The following ADGRV1 variants were observed in gnomAD, a reference collection of about 807,000 sequenced individuals.
ADGRV1 encodes the protein adhesion G protein-coupled receptor V1.
Under a neutral mutation model 596.2 loss-of-function variants are expected in ADGRV1, and 359 were observed. The ratio of observed to expected loss-of-function variants is 0.60; its 90% CI spans 0.55 to 0.66. The LOEUF is 0.66. Among genes scored for constraint, ADGRV1 ranks in the 30% least tolerant of loss-of-function variants. ADGRV1 has a pLI of 0.00. For synonymous variants in ADGRV1, 2,681 were observed against 2,679.2 expected, an observed-to-expected ratio of 1.00 and a Z score of -0.02; for missense variants, 7,274 against 7,575.6, an observed-to-expected ratio of 0.96 and a Z score of 1.48.
intron 85 of ADGRV1, among the ~76,000 whole-genome samples, chr5:90,988,691 G>A (rs1007191945): frequency 4.0e-5 from 6 of 151,822 alleles, no homozygotes; most frequent in African/African-American, 1.5e-4. Flanking sequence ...TGCACAACGT[G>A]CAGGTTAGTT....
intron 87 of ADGRV1, among the ~76,000 whole-genome samples, chr5:91,114,928 C>G (rs1179825400): frequency 6.6e-6 from 1 of 152,146 alleles, no homozygotes; most frequent in Non-Finnish European, 1.5e-5. Context: ...TTTGTCTCCC[C>G]AACCCTGTCA....
chr5:91,088,508 A>G (rs16869424), intron 86 of ADGRV1, among the ~76,000 whole-genome samples: 2,774 of 152,292 alleles, frequency 0.018, 75 homozygotes, highest in African/African-American at 0.061. Context: ...AATAGTGGAA[A>G]TAGCTCCATT....
At chr5:90,779,750 A>G (rs1184163635) in intron 64 of ADGRV1, 1 of 152,186 alleles carries the variant, frequency 6.6e-6, no homozygotes, top group African/African-American at 2.4e-5. Context: ...ACAGGTTGAG[A>G]GAGACCTACC....
intron 84 of ADGRV1, among the ~76,000 whole-genome samples, chr5:90,973,870 A>G (rs1224738001): frequency 2.0e-5 from 3 of 152,280 alleles, no homozygotes; most frequent in Admixed American, 1.3e-4. Context: ...GGCAGAAGAA[A>G]GAAAGAAAGG....
intron 18 of ADGRV1, 55 bp from the exon 19 acceptor site, chr5:90,652,291 G>A: frequency 2.5e-6 from 3 of 1,216,682 alleles, no homozygotes; most frequent in Admixed American, 2.4e-5. Context: ...AACACAGGAA[G>A]CTCTCATTAG....
chr5:90,624,524 G>A (rs1047222433), intron 5 of ADGRV1, among the ~76,000 whole-genome samples: 21 of 152,120 alleles, frequency 1.4e-4, no homozygotes, highest in South Asian at 6.2e-4. Flanking sequence ...TACTGCATAC[G>A]TATAGCACCC....
chr5:90,963,834 C>T (rs534470494), intron 83 of ADGRV1, among the ~76,000 whole-genome samples: 14 of 149,716 alleles, frequency 9.4e-5, no homozygotes, highest in African/African-American at 3.4e-4. Context: ...TGAATAGTTT[C>T]CAAGAAGAGT....
chr5:90,578,781 A>C (rs1470849091), intron 1 of ADGRV1, among the ~76,000 whole-genome samples: 1 of 152,148 alleles, frequency 6.6e-6, no homozygotes, highest in Non-Finnish European at 1.5e-5. Context: ...TATTGCCATA[A>C]TTTCAGAGCC....
At chr5:90,576,019 G>T (rs1757152293) in intron 1 of ADGRV1, among the ~76,000 whole-genome samples, 1 of 152,116 alleles carries the variant, frequency 6.6e-6, no homozygotes, top group Admixed American at 6.6e-5. Flanking sequence ...ACTCATCAAA[G>T]AATGTCCCTC....
chr5:91,040,038 T>C (rs1014795500), intron 85 of ADGRV1, among the ~76,000 whole-genome samples: 7 of 152,188 alleles, frequency 4.6e-5, no homozygotes, highest in Admixed American at 4.6e-4. Context: ...TAAAAATCAA[T>C]AAATATATAT....
At chr5:90,731,511 G>A (rs570570131) in intron 50 of ADGRV1, among the ~76,000 whole-genome samples, 35 of 152,322 alleles carry the variant, frequency 2.3e-4, no homozygotes, top group African/African-American at 7.0e-4. Flanking sequence ...ACAAGAGAAA[G>A]CTTGAGCTAT....
chr5:91,128,173 T>C (rs1793926053), intron 87 of ADGRV1, among the ~76,000 whole-genome samples: 1 of 151,644 alleles, frequency 6.6e-6, no homozygotes, highest in African/African-American at 2.4e-5. Flanking sequence ...AGGGAGCTTC[T>C]CTCTTGGGCC....
At chr5:90,908,851 A>C (rs1323704789) in intron 83 of ADGRV1, among the ~76,000 whole-genome samples, 1 of 152,224 alleles carries the variant, frequency 6.6e-6, no homozygotes. Flanking sequence ...ACAAACAAAA[A>C]TGTAAACACA....
intron 21 of ADGRV1, among the ~76,000 whole-genome samples, chr5:90,663,109 T>A (rs1434879624): frequency 1.3e-5 from 2 of 150,608 alleles, no homozygotes; most frequent in African/African-American, 4.9e-5. Flanking sequence ...TGATTTACAG[T>A]CCTTTGGGTA....
At position 90,829,009 on chromosome 5, in the gene ADGRV1, C is replaced by A. The variant is rs754706898; in HGVS notation, c.16434C>A (p.Asn5478Lys). The change falls in exon 77 of 90, where the codon AAC becomes AAA. Residue 5478 changes from asparagine to lysine, a missense_variant. Asn to Lys is a moderately conservative substitution (Grantham distance 94, BLOSUM62 0). Transcript: ENST00000405460. ...LYEATAGAAI[N>K]NSARFAQIKI... The stretch of plus-strand genomic sequence containing the variant: ...AAGCTACTGCTGGAGCAGCAATAAA[C>A]AACAGTGCCAGATTCGCACAGATTA... 8.7e-6 allele frequency: 14 copies of A among 1,607,730 alleles called. No homozygotes were observed. Among genetic ancestry groups the A allele is most frequent in the Non-Finnish European group, 1.2e-5 (14 of 1,176,144 alleles).
intron 83 of ADGRV1, among the ~76,000 whole-genome samples, chr5:90,871,552 C>T (rs1194187779): frequency 1.3e-5 from 2 of 152,168 alleles, no homozygotes; most frequent in African/African-American, 2.4e-5. Flanking sequence ...AATGAGGCTA[C>T]AGTGACATTA....
intron 27 of ADGRV1, among the ~76,000 whole-genome samples, chr5:90,681,962 G>T (rs1032273455): frequency 3.3e-5 from 5 of 151,906 alleles, no homozygotes; most frequent in African/African-American, 1.2e-4. Context: ...CGCCTCCTGG[G>T]TTCAAGCGAT....
chr5:91,014,176 C>CACACA lies in ADGRV1; in HGVS notation c.18152+28654_18152+28655insACACA, dbSNP rs56292568. ...CACACACACACACACACACACACAC[C>CACACA]CCTAGACATACAGCTAACCAGGGAG... On this transcript the variant is annotated intron_variant, in intron 85 of 89. Coordinates refer to ENST00000405460, the MANE Select transcript of ADGRV1 (RefSeq NM_032119.4). Among the ~76,000 whole-genome samples, 326 of 124,174 alleles carry CACACA rather than the reference C, an allele frequency of 2.6e-3. 29 individuals are homozygous for CACACA. Among genetic ancestry groups the CACACA allele is most frequent in the Admixed American group, 6.3e-3 (75 of 11,898 alleles). 81.5% of individuals were successfully genotyped at this position (124,174 alleles called of 152,430 possible).
At chr5:90,566,636 A>T (rs954913094) in intron 1 of ADGRV1, among the ~76,000 whole-genome samples, 4 of 152,054 alleles carry the variant, frequency 2.6e-5, no homozygotes, top group African/African-American at 9.7e-5. Flanking sequence ...TGAATTCTTC[A>T]TTACTAATGT....
Sources: gnomAD v4.1 joint callset for allele counts (sites outside exome capture counted in the v4.1 genomes callset) on GRCh38, gnomAD v4.1.1 for gene constraint, MANE v1.5 for transcripts, NCBI Gene and HGNC (gene_info 2026-07-23, HGNC 2026-07-21) for gene names.